The following DGKB variants were observed in gnomAD, a reference collection of about 807,000 sequenced individuals.
DGKB encodes 90 kDa diacylglycerol kinase.
In DGKB, 67 loss-of-function variants were observed where a neutral mutation model predicts 114.3. The observed-to-expected ratio is 0.59, with a 90% CI of 0.48 to 0.72. DGKB has a LOEUF of 0.72. Among genes scored for constraint, DGKB ranks in the 30% least tolerant of loss-of-function variants. The pLI, the probability that DGKB is intolerant of heterozygous loss-of-function variation, is 0.00. For missense variants in DGKB, 907 were observed against 975.2 expected, an observed-to-expected ratio of 0.93 and a Z score of 0.93; for synonymous variants, 398 against 323.1, an observed-to-expected ratio of 1.23 and a Z score of -2.49.
Position 14,613,336 on chromosome 7 carries a change from A to T in DGKB, c.1358+4T>A. ...TAGACACTAAAATCAATCAAAAAAC[A>T]TACCGTTCTCCTTGTTTTCCACCAC... On this transcript the variant is annotated splice_donor_region_variant and intron_variant, in intron 16 of 25. Coordinates refer to ENST00000402815, the MANE Select transcript of DGKB (RefSeq NM_001350709.2). The T allele has an allele frequency of 6.4e-7, 1 of 1,552,652 alleles. No homozygotes were observed. The highest frequency in any genetic ancestry group is 8.7e-7 in the Non-Finnish European group (1 of 1,143,424).
chr7:14,774,189 T>C (rs887983996), intron 2 of DGKB, among the ~76,000 whole-genome samples: 5 of 152,206 alleles, frequency 3.3e-5, no homozygotes, highest in Admixed American at 3.3e-4. Context: ...GTTTCTCTAA[T>C]GGGAAGAGCC....
At chr7:14,812,017 A>G (rs901296893) in intron 2 of DGKB, among the ~76,000 whole-genome samples, 11 of 152,086 alleles carry the variant, frequency 7.2e-5, no homozygotes, top group South Asian at 2.1e-4. Flanking sequence ...GACTCTAGGT[A>G]TCTCGTGTAT....
chr7:14,345,268 C>T (rs985943852), intron 22 of DGKB, 33 bp downstream of exon 22: 1 of 1,242,950 alleles, frequency 8.0e-7, no homozygotes, highest in Non-Finnish European at 1.1e-6. Context: ...GCCATTTCAT[C>T]ATATTACAAA....
chr7:14,304,089 T>TCTCACA (rs1804051983), intron 23 of DGKB, among the ~76,000 whole-genome samples: 1 of 37,326 alleles, frequency 2.7e-5, no homozygotes, highest in African/African-American at 7.3e-5. Context: ...ACACACACAC[T>TCTCACA]CTCTCTCTCT....
intron 23 of DGKB, among the ~76,000 whole-genome samples, chr7:14,294,057 A>G (rs555224556): frequency 1.3e-5 from 2 of 152,300 alleles, no homozygotes; most frequent in African/African-American, 2.4e-5. Context: ...TGGAGGCTCA[A>G]TGGAATAATC....
intron 4 of DGKB, among the ~76,000 whole-genome samples, chr7:14,742,635 C>A (rs1001771894): frequency 3.3e-5 from 5 of 152,274 alleles, no homozygotes; most frequent in Non-Finnish European, 7.4e-5. Flanking sequence ...TGAGGACATA[C>A]TGAATTAACC....
chr7:14,200,459 T>G (rs1465853819), intron 23 of DGKB, among the ~76,000 whole-genome samples: 3 of 152,086 alleles, frequency 2.0e-5, no homozygotes, highest in Non-Finnish European at 4.4e-5. Context: ...GCCGTCCTCA[T>G]TTTTACACAG....
At chr7:14,805,859 T>G (rs1562583626) in intron 2 of DGKB, among the ~76,000 whole-genome samples, 1 of 150,922 alleles carries the variant, frequency 6.6e-6, no homozygotes, top group Non-Finnish European at 1.5e-5. Flanking sequence ...AGAATTTGAG[T>G]CTAAAGTATA....
chr7:14,433,572 C>T (rs1828801729), intron 21 of DGKB, among the ~76,000 whole-genome samples: 1 of 152,062 alleles, frequency 6.6e-6, no homozygotes, highest in Non-Finnish European at 1.5e-5. Context: ...AAAACCACTA[C>T]ATAAGTGAAA....
chr7:14,149,034 A>G lies in DGKB; in HGVS notation c.*97T>C, dbSNP rs1298967332. On this transcript the variant is annotated 3_prime_UTR_variant, in exon 26 of 26. Transcript: ENST00000402815. ...TGTTAAACCACTTCCATGATTTTGC[A>G]TGAGCAGGAGACTTGAAATGGTTCA... 4 of 1,049,906 alleles carry G rather than the reference A, an allele frequency of 3.8e-6. No individual in the cohort carries two copies. In the African/African-American group the frequency reaches 6.3e-5, roughly 17 times the overall value. 65.0% of individuals were successfully genotyped at this position (1,049,906 alleles called of 1,614,324 possible). A position where few individuals can be genotyped will look rare whatever the true frequency, so the allele number is the denominator to read the frequency against.
chr7:14,828,406 A>G (rs1845978418), intron 2 of DGKB, among the ~76,000 whole-genome samples: 1 of 152,142 alleles, frequency 6.6e-6, no homozygotes, highest in Non-Finnish European at 1.5e-5. Flanking sequence ...ATCAACTCAT[A>G]CGATGTGTCT....
intron 2 of DGKB, among the ~76,000 whole-genome samples, chr7:14,812,162 T>C (rs1843532749): frequency 1.3e-5 from 2 of 152,200 alleles, no homozygotes; most frequent in African/African-American, 4.8e-5. Flanking sequence ...ATGTATAAGC[T>C]ACATTTTGTT....
intron 1 of DGKB, among the ~76,000 whole-genome samples, chr7:14,863,362 T>G (rs1000408150): frequency 6.6e-6 from 1 of 151,436 alleles, no homozygotes; most frequent in Admixed American, 6.6e-5. Context: ...TTAGTCATAT[T>G]TTTAAACTAT....
intron 13 of DGKB, among the ~76,000 whole-genome samples, chr7:14,642,176 AT>A (rs201626188): frequency 0.023 from 3,488 of 151,942 alleles, 50 homozygotes; most frequent in South Asian, 0.038. Context: ...CTAAAACATT[AT>A]TTTTTTCTAT....
intron 1 of DGKB, among the ~76,000 whole-genome samples, chr7:14,912,807 A>G (rs569710776): frequency 5.9e-5 from 9 of 151,924 alleles, no homozygotes; most frequent in Non-Finnish European, 1.2e-4. Context: ...TCCCACACAT[A>G]TGAGTGTCCC....
chr7:14,415,715 G>C (rs949007094), intron 21 of DGKB, among the ~76,000 whole-genome samples: 3 of 152,106 alleles, frequency 2.0e-5, no homozygotes, highest in Non-Finnish European at 4.4e-5. Context: ...ATGGTGAATG[G>C]TGCTGCAATA....
In DGKB at chr7:14,698,101, A is replaced by G; in HGVS notation, c.585T>C (p.Leu195=). 1 of 1,536,718 alleles carries G rather than the reference A, an allele frequency of 6.5e-7. No homozygotes were observed. Among genetic ancestry groups the G allele is most frequent in the Non-Finnish European group, 8.8e-7 (1 of 1,135,464 alleles). ...AEYLEWDVTE[L]NPILHEMMEE... is the part of the protein sequence containing the mutation. Reference sequence around the variant, plus strand: ...AAATCATTCATATACCTACTGGATTAAGTTCAGTGACATCCCACTCAAGGT... The same window carrying G: ...AAATCATTCATATACCTACTGGATTGAGTTCAGTGACATCCCACTCAAGGT... Residue 195 remains leucine, a synonymous_variant, in exon 8 of 26, where the codon CTT becomes CTC. Coordinates refer to ENST00000402815, the MANE Select transcript of DGKB (RefSeq NM_001350709.2).
At chr7:14,816,020 A>T (rs907587955) in intron 2 of DGKB, among the ~76,000 whole-genome samples, 4 of 152,156 alleles carry the variant, frequency 2.6e-5, no homozygotes, top group African/African-American at 9.7e-5. Context: ...GTAACCACAA[A>T]GTCCTATTCT....
intron 23 of DGKB, among the ~76,000 whole-genome samples, chr7:14,220,029 G>GAGT (rs1319194702): frequency 1.3e-5 from 2 of 151,548 alleles, no homozygotes; most frequent in Non-Finnish European, 3.0e-5. Flanking sequence ...GAACATTATA[G>GAGT]AGTGCACTTA....
Sources: allele counts gnomAD v4.1 joint callset (sites outside exome capture counted in the v4.1 genomes callset), GRCh38; gene constraint gnomAD v4.1.1; transcripts MANE v1.5; gene names NCBI Gene and HGNC (gene_info 2026-07-23, HGNC 2026-07-21).